UBE2H: variants seen among roughly 807,000 people sequenced by gnomAD.
UBE2H encodes the protein ubiquitin-conjugating enzyme E2 H.
In UBE2H, 3 loss-of-function variants were observed where a neutral mutation model predicts 29.0. The observed-to-expected ratio is 0.10, with a 90% CI of 0.05 to 0.27. The LOEUF (loss-of-function observed/expected upper bound fraction) is 0.27, where lower values mean the gene tolerates loss of function less well. Among genes scored for constraint, UBE2H ranks in the 10% least tolerant of loss-of-function variants. UBE2H has a pLI of 1.00. For missense variants in UBE2H, 68 were observed against 228.2 expected, an observed-to-expected ratio of 0.30 and a Z score of 4.52; for synonymous variants, 69 against 82.9, an observed-to-expected ratio of 0.83 and a Z score of 0.91.
At chr7:129,904,054 A>G (rs1393433385) in intron 1 of UBE2H, among the ~76,000 whole-genome samples, 1 of 152,248 alleles carries the variant, frequency 6.6e-6, no homozygotes, top group African/African-American at 2.4e-5. Context: ...CACTCACTGT[A>G]TCGACAGCTG....
chr7:129,890,360 C>CAT (rs1806458273), intron 1 of UBE2H, among the ~76,000 whole-genome samples: 1 of 151,140 alleles, frequency 6.6e-6, no homozygotes, highest in Admixed American at 6.6e-5. Flanking sequence ...TATATATACA[C>CAT]ATATATATAC....
At chr7:129,857,755 G>C (rs2116316329) in intron 4 of UBE2H, among the ~76,000 whole-genome samples, 192 bp from the exon 5 acceptor site, 1 of 152,252 alleles carries the variant, frequency 6.6e-6, no homozygotes, top group East Asian at 1.9e-4. Flanking sequence ...AGACTGAAAG[G>C]GGAAAATAGT....
At chr7:129,925,583 T>G (rs550982889) in intron 1 of UBE2H, among the ~76,000 whole-genome samples, 1 of 152,204 alleles carries the variant, frequency 6.6e-6, no homozygotes, top group East Asian at 1.9e-4. Context: ...CCGATTGTAT[T>G]CAGGGCAGTC....
chr7:129,952,442 GC>G (rs2116547616), intron 1 of UBE2H, 60 bp downstream of exon 1: 1 of 1,590,572 alleles, frequency 6.3e-7, no homozygotes, highest in Non-Finnish European at 8.6e-7. Context: ...TTCCGGGGGT[GC>G]CCTGGGCATC....
chr7:129,945,147 C>G (rs555131183), intron 1 of UBE2H, among the ~76,000 whole-genome samples: 1 of 152,184 alleles, frequency 6.6e-6, no homozygotes, highest in Non-Finnish European at 1.5e-5. Flanking sequence ...CCACAAGAAA[C>G]TTTGGGGGAA....
intron 1 of UBE2H, among the ~76,000 whole-genome samples, chr7:129,931,249 G>C (rs959699504): frequency 2.0e-5 from 3 of 150,470 alleles, no homozygotes; most frequent in African/African-American, 7.3e-5. Flanking sequence ...ATTGCCACGC[G>C]TGGTGGTATG....
At chr7:129,900,549 C>T (rs1806689581) in intron 1 of UBE2H, among the ~76,000 whole-genome samples, 1 of 152,158 alleles carries the variant, frequency 6.6e-6, no homozygotes, top group Admixed American at 6.5e-5. Flanking sequence ...GTTTCTTCTT[C>T]CTCTCCATGG....
intron 1 of UBE2H, among the ~76,000 whole-genome samples, chr7:129,951,511 T>C (rs1232304934): frequency 6.6e-6 from 1 of 151,992 alleles, no homozygotes; most frequent in Non-Finnish European, 1.5e-5. Context: ...TCTCGATTTG[T>C]CACAGGAACC....
At chr7:129,938,403 C>A (rs1807572483) in intron 1 of UBE2H, among the ~76,000 whole-genome samples, 1 of 101,286 alleles carries the variant, frequency 9.9e-6, no homozygotes. Flanking sequence ...GAGAGAGAGA[C>A]TGCCTCATTC....
chr7:129,880,776 G>C, intron 2 of UBE2H, 119 bp downstream of exon 2: 1 of 740,304 alleles, frequency 1.4e-6, no homozygotes, highest in Non-Finnish European at 2.2e-6. Context: ...CACTGGTTCT[G>C]CAGTCCAACT....
rs367930226 is a variant in UBE2H at position 129,864,556 on chromosome 7, C to CTTTTTTTTT, written c.206-5624_206-5616dup. Among the ~76,000 whole-genome samples the CTTTTTTTTT allele has an allele frequency of 2.3e-4, 30 of 130,966 alleles. 1 individual carries two copies. The highest frequency in any genetic ancestry group is 3.6e-4 in the Non-Finnish European group (23 of 63,972). The allele number at this position is 130,966 out of a possible 152,430, so 85.9% of individuals were successfully genotyped here. On this transcript the variant is annotated intron_variant, in intron 3 of 6. Coordinates refer to ENST00000355621, the MANE Select transcript of UBE2H (RefSeq NM_003344.4). ...CAGGCATTTTCTTTTTCTTTTCTTT[C>CTTTTTTTTT]TTTTTTTTTTTTTTTGAGACAGAAT...
chr7:129,888,756 T>C (rs933278033), intron 1 of UBE2H, among the ~76,000 whole-genome samples: 2 of 152,290 alleles, frequency 1.3e-5, no homozygotes, highest in East Asian at 1.9e-4. Flanking sequence ...GTTATAGGCA[T>C]GAGCCACCAC....
intron 1 of UBE2H, among the ~76,000 whole-genome samples, chr7:129,889,300 A>G (rs192220854): frequency 6.6e-6 from 1 of 152,338 alleles, no homozygotes; most frequent in African/African-American, 2.4e-5. Flanking sequence ...GACCTCAACT[A>G]AGATAACAGC....
chr7:129,924,452 CAAG>C (rs892213890), intron 1 of UBE2H, among the ~76,000 whole-genome samples: 1 of 151,942 alleles, frequency 6.6e-6, no homozygotes, highest in Non-Finnish European at 1.5e-5. Flanking sequence ...AAATTCATAC[CAAG>C]AAGGTAATAA....
chr7:129,929,964 C>A (rs535356962), intron 1 of UBE2H, among the ~76,000 whole-genome samples: 58 of 152,180 alleles, frequency 3.8e-4, no homozygotes, highest in African/African-American at 1.3e-3. Flanking sequence ...GAGCCAAGAT[C>A]GCACTGCTGC....
chr7:129,871,030 T>C (rs780503698), intron 3 of UBE2H, among the ~76,000 whole-genome samples: 7 of 152,256 alleles, frequency 4.6e-5, no homozygotes, highest in Non-Finnish European at 1.0e-4. Context: ...TGTCAGACCC[T>C]TCCTGAATAT....
intron 5 of UBE2H, among the ~76,000 whole-genome samples, chr7:129,845,581 G>A (rs1302121548): frequency 6.6e-6 from 1 of 152,194 alleles, no homozygotes; most frequent in Non-Finnish European, 1.5e-5. Context: ...GATCTGTTCT[G>A]GAGGGGAACT....
intron 5 of UBE2H, among the ~76,000 whole-genome samples, chr7:129,850,897 GAGAA>G (rs1205194320): frequency 2.0e-5 from 3 of 151,592 alleles, no homozygotes; most frequent in Admixed American, 6.6e-5. Context: ...AGGAGAGAGA[GAGAA>G]AGAAAGAAAG....
chr7:129,885,611 G>A (rs1806344584), intron 1 of UBE2H, among the ~76,000 whole-genome samples: 1 of 152,028 alleles, frequency 6.6e-6, no homozygotes, highest in African/African-American at 2.4e-5. Flanking sequence ...AGCTACAATG[G>A]GATTGTCTTT....
Sources: gnomAD v4.1 joint callset for allele counts (sites outside exome capture counted in the v4.1 genomes callset) on GRCh38, gnomAD v4.1.1 for gene constraint, MANE v1.5 for transcripts, NCBI Gene and HGNC (gene_info 2026-07-23, HGNC 2026-07-21) for gene names.